Variants in TPM1 observed in about 807,000 individuals in gnomAD.
TPM1 encodes the protein tropomyosin alpha-1 chain.
TPM1 carries 24 observed loss-of-function variants against 42.9 expected under a neutral mutation model. That is an observed-to-expected ratio of 0.56 (90% confidence interval 0.41 to 0.79). The LOEUF (loss-of-function observed/expected upper bound fraction) is 0.79. Ranked by LOEUF, TPM1 falls within the 30% of genes least tolerant of loss-of-function variation. The pLI is 0.00. For missense variants in TPM1, 158 were observed against 351.8 expected (o/e 0.45, Z 4.41); for synonymous variants, 136 against 130.1 (o/e 1.05, Z -0.31).
chr15:63,051,893 GTTTTTT>G (rs5813189), intron 2 of TPM1, among the ~76,000 whole-genome samples: 1 of 96,998 alleles, frequency 1.0e-5, no homozygotes, highest in African/African-American at 3.8e-5. Flanking sequence ...CATAAAAGTT[GTTTTTT>G]TTTTTTTTTT....
chr15:63,042,815 C>G lies in TPM1; in HGVS notation c.-15C>G. The G allele has an allele frequency of 1.2e-6, 2 of 1,610,840 alleles. No homozygotes were observed. The highest frequency in any genetic ancestry group is 8.5e-7 in the Non-Finnish European group (1 of 1,177,848). ...CGCTCCTGCTGCAGCCCCAGGGCCC[C>G]TCGCCGCCGCCACCATGGACGCCAT... On this transcript the variant is annotated 5_prime_UTR_variant, in exon 1 of 10. Transcript: ENST00000403994.
rs369617788 is a variant in TPM1 at position 63,056,996 on chromosome 15, C to G, written c.252C>G (p.Asp84Glu). The change falls in exon 3 of 10, where the codon GAC (aspartate) becomes GAG (glutamate). Residue 84 changes from aspartate (D) to glutamate (E), a missense_variant. Transcript: ENST00000403994. ...AEKKATDAEA[D>E]VASLNRRIQL... ...CACTCTCTACCTAGGCTGAAGCCGA[C>G]GTAGCTTCTCTGAACAGACGCATCC... is the stretch of plus-strand genomic sequence containing the variant. 17 of 1,614,210 alleles carry G rather than the reference C, an allele frequency of 1.1e-5. No individual in the cohort carries two copies. Among genetic ancestry groups the G allele is most frequent in the Middle Eastern group, 3.3e-4 (2 of 6,062 alleles).
intron 2 of TPM1, chr15:63,044,884 AACC>A (rs999561708): frequency 1.3e-5 from 2 of 152,220 alleles, no homozygotes; most frequent in African/African-American, 4.9e-5. Context: ...GCCTTCTGAC[AACC>A]ACCACATAGT....
chr15:63,062,374 C>A, intron 7 of TPM1, 97 bp downstream of exon 7: 1 of 1,380,172 alleles, frequency 7.2e-7, no homozygotes, highest in Non-Finnish European at 1.0e-6. Context: ...TCCAATGATC[C>A]AAGTCAGGAA....
chr15:63,071,223 T>G (rs1595700305), exon 9 of TPM1: 2 of 575,010 alleles, frequency 3.5e-6, no homozygotes, highest in Non-Finnish European at 5.5e-6. Context: ...GTTTTGTTTT[T>G]AAACACCTGC....
chr15:63,058,478 G>A (rs570864104), intron 3 of TPM1, among the ~76,000 whole-genome samples: 1 of 152,190 alleles, frequency 6.6e-6, no homozygotes, highest in East Asian at 1.9e-4. Flanking sequence ...GGGCCGAGGC[G>A]GGCAGATCAC....
chr15:63,067,715 C>G (rs1196803128), downstream of TPM1, among the ~76,000 whole-genome samples: 1 of 152,194 alleles, frequency 6.6e-6, no homozygotes, highest in East Asian at 1.9e-4. Context: ...TTGTTGATTT[C>G]TTGTTCAACT....
chr15:63,068,060 T>C (rs1163831151), downstream of TPM1, among the ~76,000 whole-genome samples: 1 of 152,172 alleles, frequency 6.6e-6, no homozygotes, highest in African/African-American at 2.4e-5. Flanking sequence ...GGCCAAACAT[T>C]TGGGCTCAGC....
intron 9 of TPM1, 116 bp downstream of exon 9, chr15:63,064,258 T>C (rs1156632603): frequency 7.8e-6 from 12 of 1,545,158 alleles, no homozygotes; most frequent in African/African-American, 1.4e-5. Flanking sequence ...TGTTCACCCT[T>C]TTTGTCATAA....
At chr15:63,050,880 A>G (rs1402772223) in intron 2 of TPM1, among the ~76,000 whole-genome samples, 2 of 152,252 alleles carry the variant, frequency 1.3e-5, no homozygotes, top group African/African-American at 2.4e-5. Flanking sequence ...TAGTGACAAA[A>G]CCATGAGCCA....
At chr15:63,062,546 C>G (rs1259756002) in intron 7 of TPM1, 30 bp from the exon 8 acceptor site, 3 of 1,613,320 alleles carry the variant, frequency 1.9e-6, no homozygotes, top group Non-Finnish European at 2.5e-6. Flanking sequence ...CATAAAACTT[C>G]CCAACTTTAA....
At chr15:63,070,169 A>G (rs962195753), downstream of TPM1, 18 of 1,357,602 alleles carry the variant, frequency 1.3e-5, no homozygotes, top group Admixed American at 2.5e-4. Flanking sequence ...TAGAATACTT[A>G]TATCAATTCA....
At chr15:63,061,124 C>T (rs1402662390) in intron 5 of TPM1, 185 bp downstream of exon 5, 24 of 1,511,088 alleles carry the variant, frequency 1.6e-5, no homozygotes, top group Middle Eastern at 1.7e-4. Flanking sequence ...TGTATGAATG[C>T]GTGTATCACT....
intron 2 of TPM1, among the ~76,000 whole-genome samples, chr15:63,049,630 C>T (rs2033408620): frequency 6.6e-6 from 1 of 152,152 alleles, no homozygotes; most frequent in Non-Finnish European, 1.5e-5. Flanking sequence ...TCCTGCTGTG[C>T]TTAATATACG....
In TPM1 at chr15:63,066,148, T is replaced by C; in HGVS notation, c.*249T>C. The stretch of plus-strand genomic sequence containing the variant: ...TTTATTGACATTTTAGTTTCAACAT[T>C]GAATAAAACTACAAAGCTGCTTCAC... On this transcript the variant is annotated 3_prime_UTR_variant, in exon 10 of 10. Transcript: ENST00000403994. The C allele has an allele frequency of 6.8e-7, 1 of 1,463,982 alleles. No individual in the cohort carries two copies. Among genetic ancestry groups the C allele is most frequent in the Non-Finnish European group, 8.9e-7 (1 of 1,119,208 alleles). The allele number at this position is 1,463,982 out of a possible 1,614,324, so 90.7% of individuals were successfully genotyped here.
intron 8 of TPM1, chr15:63,063,299 G>A: frequency 1.0e-6 from 1 of 985,426 alleles, no homozygotes; most frequent in Non-Finnish European, 1.2e-6. Context: ...ATTAGAGAAG[G>A]AACTAGTGTT....
At chr15:63,054,803 C>G (rs930362361) in intron 2 of TPM1, among the ~76,000 whole-genome samples, 2 of 152,104 alleles carry the variant, frequency 1.3e-5, no homozygotes, top group Non-Finnish European at 2.9e-5. Flanking sequence ...TCTATGGAGG[C>G]TTTTTGTTGT....
intron 2 of TPM1, chr15:63,045,631 C>T (rs2140656569): frequency 6.6e-6 from 1 of 152,150 alleles, no homozygotes; most frequent in African/African-American, 2.4e-5. Flanking sequence ...CCCAGTAAGA[C>T]TGAAGGCAAA....
intron 2 of TPM1, chr15:63,049,035 A>G (rs890796457): frequency 3.1e-5 from 11 of 351,562 alleles, no homozygotes; most frequent in Non-Finnish European, 4.3e-5. Context: ...CGTCCCCGGG[A>G]GGTGCACTTT....
Sources: allele counts gnomAD v4.1 joint callset (sites outside exome capture counted in the v4.1 genomes callset), GRCh38; gene constraint gnomAD v4.1.1; transcripts MANE v1.5; gene names NCBI Gene and HGNC (gene_info 2026-07-23, HGNC 2026-07-21).